The following MARCHF10 variants were observed in gnomAD, a reference collection of about 807,000 sequenced individuals.
MARCHF10 encodes probable E3 ubiquitin-protein ligase MARCHF10.
In MARCHF10, 64 loss-of-function variants were observed where a neutral mutation model predicts 76.2. The observed-to-expected ratio is 0.84, with a 90% CI of 0.69 to 1.03. The LOEUF (loss-of-function observed/expected upper bound fraction) is 1.03, where lower values mean the gene tolerates loss of function less well. Among genes scored for constraint, MARCHF10 ranks in the 50% least tolerant of loss-of-function variants. MARCHF10 has a pLI of 0.00. For missense variants in MARCHF10, 875 were observed against 958.0 expected, an observed-to-expected ratio of 0.91 and a Z score of 1.14; for synonymous variants, 340 against 357.5, an observed-to-expected ratio of 0.95 and a Z score of 0.55.
In MARCHF10 at chr17:62,711,243, C is replaced by T. The variant is rs753078132; in HGVS notation, c.2316G>A (p.Val772=). The T allele has an allele frequency of 6.2e-7, 1 of 1,613,958 alleles. No individual in the cohort carries two copies. The highest frequency in any genetic ancestry group is 8.5e-7 in the Non-Finnish European group (1 of 1,179,844). ...CAGCCAGACTTACCCTCTCTCTTTC[C>T]ACCTGGTTGTGGTTGAGCCTCATGA... ...AELMRLNHNQ[V]ERERLSRNYP... is the part of the protein sequence containing the mutation. Residue 772 remains valine, a synonymous_variant, in exon 9 of 11, where the codon GTG becomes GTA. Transcript: ENST00000311269. The surrounding 1 kb of genome is among the most constrained non-coding windows in gnomAD (Gnocchi z 4.4).
intron 1 of MARCHF10, chr17:62,806,769 G>A (rs1210505256): frequency 1.3e-5 from 2 of 152,216 alleles, no homozygotes; most frequent in East Asian, 1.9e-4. Context: ...TCCTGACTGA[G>A]GGGAACAGAA....
chr17:62,787,943 T>C (rs529122891), intron 3 of MARCHF10, among the ~76,000 whole-genome samples: 1 of 152,366 alleles, frequency 6.6e-6, no homozygotes, highest in Non-Finnish European at 1.5e-5. Context: ...TATTATCACA[T>C]TGTTATATCA....
intron 7 of MARCHF10, 93 bp downstream of exon 7, chr17:62,724,845 G>T: frequency 7.2e-7 from 1 of 1,381,202 alleles, no homozygotes; most frequent in Non-Finnish European, 1.0e-6. Context: ...GCGGAGGAGA[G>T]TGAGCTGATG....
intron 4 of MARCHF10, among the ~76,000 whole-genome samples, chr17:62,746,221 G>A (rs2091697504): frequency 6.6e-6 from 1 of 152,226 alleles, no homozygotes; most frequent in Non-Finnish European, 1.5e-5. Context: ...GGGTCCTGCA[G>A]GCCAAGACAG....
rs35064058 is a variant in MARCHF10 at position 62,770,851 on chromosome 17, C to CTTTTTTTTTTTT, written c.211-10857_211-10846dup. On this transcript the variant is annotated intron_variant, in intron 3 of 10. Transcript: ENST00000311269. ...CCACCGCACCTGGTCTGTATTTTGACTTTTTTTTTTTTTTTTTTTTTTGAG... is the reference window on the plus strand; with the variant it reads ...CCACCGCACCTGGTCTGTATTTTGACTTTTTTTTTTTTTTTTTTTTTTTTTTTTTTTTTTGAG... Among the ~76,000 whole-genome samples the CTTTTTTTTTTTT allele has an allele frequency of 8.4e-5, 7 of 83,628 alleles. 1 individual carries two copies. The highest frequency in any genetic ancestry group is 3.8e-4 in the East Asian group (1 of 2,658). The allele number at this position is 83,628 out of a possible 152,430, so 54.9% of individuals were successfully genotyped here. A position where few individuals can be genotyped will look rare whatever the true frequency, so the allele number is the denominator to read the frequency against.
At chr17:62,747,048 C>G in intron 4 of MARCHF10, 3 of 1,120,710 alleles carry the variant, frequency 2.7e-6, no homozygotes, top group Non-Finnish European at 3.9e-6. Flanking sequence ...TCTAAAATTG[C>G]TTAATGAGTA....
chr17:62,806,179 T>A (rs1049278762), intron 1 of MARCHF10, among the ~76,000 whole-genome samples: 3 of 152,184 alleles, frequency 2.0e-5, no homozygotes, highest in Admixed American at 2.0e-4. Context: ...TTGAAGTTCA[T>A]ACTGCACTCA....
chr17:62,713,115 A>G (rs1391899477), intron 8 of MARCHF10, among the ~76,000 whole-genome samples: 1 of 152,034 alleles, frequency 6.6e-6, no homozygotes, highest in African/African-American at 2.4e-5. Context: ...TGTCTCGCCA[A>G]CCACCTCTTC....
chr17:62,705,983 G>A (rs1397744382), intron 9 of MARCHF10, among the ~76,000 whole-genome samples: 2 of 152,162 alleles, frequency 1.3e-5, no homozygotes, highest in African/African-American at 4.8e-5. Context: ...TTCTCTGCGC[G>A]GCAGGAAGCA....
In MARCHF10 at chr17:62,750,823, C is replaced by T. The variant is rs9890485; in HGVS notation, c.383-6295G>A. On this transcript the variant is annotated intron_variant, in intron 4 of 10. Coordinates refer to ENST00000311269, the MANE Select transcript of MARCHF10 (RefSeq NM_152598.4). ...TAAGATCCCGGAGAATGTCCTGAGG[C>T]TGCCGTGTGGAAGCTCTGGGGCCTT... 6.8e-3 allele frequency among the ~76,000 whole-genome samples: 1,043 copies of T among 152,312 alleles called. 13 individuals are homozygous for T. Among genetic ancestry groups the T allele is most frequent in the African/African-American group, 0.019 (808 of 41,564 alleles).
chr17:62,747,578 T>C (rs1403752226), intron 4 of MARCHF10, among the ~76,000 whole-genome samples: 1 of 152,186 alleles, frequency 6.6e-6, no homozygotes, highest in African/African-American at 2.4e-5. Context: ...AAAATGTACA[T>C]AAATGGCCTA....
At chr17:62,727,762 A>C (rs2090832137) in intron 6 of MARCHF10, among the ~76,000 whole-genome samples, 1 of 152,222 alleles carries the variant, frequency 6.6e-6, no homozygotes, top group Non-Finnish European at 1.5e-5. Context: ...AGATATGATG[A>C]TATTGACGAG....
intron 8 of MARCHF10, chr17:62,714,288 C>T (rs2090080966): frequency 9.1e-6 from 6 of 662,878 alleles, no homozygotes; most frequent in Non-Finnish European, 1.1e-5. Flanking sequence ...CCACCGGACA[C>T]TGTGACTTTA....
chr17:62,788,683 C>T, intron 2 of MARCHF10, 84 bp from the exon 3 acceptor site: 1 of 1,561,578 alleles, frequency 6.4e-7, no homozygotes, highest in Non-Finnish European at 8.7e-7. Flanking sequence ...TGGTGAGGAG[C>T]ATGAAATAAA....
chr17:62,740,397 T>C (rs2091463155), intron 5 of MARCHF10, among the ~76,000 whole-genome samples: 1 of 152,196 alleles, frequency 6.6e-6, no homozygotes, highest in African/African-American at 2.4e-5. Context: ...GACTTCTTGG[T>C]GTGCTTGACC....
intron 10 of MARCHF10, chr17:62,705,322 G>T: frequency 6.8e-7 from 1 of 1,477,170 alleles, no homozygotes. Context: ...CTTGCGTTCA[G>T]GATGAATTAA....
intron 2 of MARCHF10, among the ~76,000 whole-genome samples, chr17:62,790,623 T>G (rs1043625592): frequency 6.6e-6 from 1 of 152,232 alleles, no homozygotes; most frequent in African/African-American, 2.4e-5. Context: ...GCCTGACAAC[T>G]GCCCTTCCTG....
chr17:62,708,690 C>T (rs1341840327), intron 9 of MARCHF10, among the ~76,000 whole-genome samples: 2 of 152,186 alleles, frequency 1.3e-5, no homozygotes, highest in Non-Finnish European at 2.9e-5. Context: ...TGAGTGCCCC[C>T]AACCCATGCA....
intron 6 of MARCHF10, 102 bp downstream of exon 6, chr17:62,735,829 G>A: frequency 1.9e-6 from 2 of 1,040,006 alleles, no homozygotes; most frequent in Non-Finnish European, 2.8e-6. Flanking sequence ...GTCAAGGAAG[G>A]ACCCATTTAT....
Sources: allele counts gnomAD v4.1 joint callset (sites outside exome capture counted in the v4.1 genomes callset), GRCh38; gene constraint gnomAD v4.1.1; non-coding constraint Gnocchi (gnomAD v3.1); transcripts MANE v1.5; gene names NCBI Gene and HGNC (gene_info 2026-07-23, HGNC 2026-07-21).